TRIO: variants seen among roughly 807,000 people sequenced by gnomAD.
TRIO encodes the protein trio Rho guanine nucleotide exchange factor, also known as triple functional domain protein.
Under a neutral mutation model 351.9 loss-of-function variants are expected in TRIO, and 58 were observed. The ratio of observed to expected loss-of-function variants is 0.16; its 90% CI spans 0.13 to 0.21. The LOEUF is 0.21. Ranked by LOEUF, TRIO falls within the 10% of genes least tolerant of loss-of-function variation. TRIO has a pLI of 1.00. For missense variants in TRIO, 3,201 were observed against 4,027.8 expected (o/e 0.79, Z 5.56); for synonymous variants, 1,758 against 1,595.7 (o/e 1.10, Z -2.42).
At position 14,320,174 on chromosome 5, in the gene TRIO, A is replaced by T. The variant is rs190570428; in HGVS notation, c.1731+3431A>T. On this transcript the variant is annotated intron_variant, in intron 9 of 56. Coordinates refer to ENST00000344204, the MANE Select transcript of TRIO (RefSeq NM_007118.4). ...TTATTATCAGAGTAACTCTCAGCGA[A>T]GGTTTGGTTGAATGAATGAATAAAT... is the stretch of plus-strand genomic sequence containing the variant. Among the ~76,000 whole-genome samples, 626 of 152,292 alleles carry T rather than the reference A, an allele frequency of 4.1e-3. 6 individuals carry two copies. The highest frequency in any genetic ancestry group is 0.014 in the African/African-American group (592 of 41,562).
At position 14,363,761 on chromosome 5, in the gene TRIO, T is replaced by C. The variant is rs1744358452; in HGVS notation, c.2421T>C (p.Asp807=). The C allele has an allele frequency of 2.5e-6, 4 of 1,614,144 alleles. No homozygotes were observed. The highest frequency in any genetic ancestry group is 3.4e-6 in the Non-Finnish European group (4 of 1,180,004). ...TCTCAGACCTCGAGTCTTGGAATGATGAGCTTTCTCAGCAAATGAATGACT... is the reference window on the plus strand; with the variant it reads ...TCTCAGACCTCGAGTCTTGGAATGACGAGCTTTCTCAGCAAATGAATGACT... The part of the protein sequence containing the change: ...DIISDLESWN[D]ELSQQMNDFD... The change falls in exon 14 of 57, where the codon GAT becomes GAC. Residue 807 remains aspartate, a synonymous_variant. Transcript: ENST00000344204.
chr5:14,244,459 T>C (rs1395953125), intron 1 of TRIO, among the ~76,000 whole-genome samples: 1 of 152,208 alleles, frequency 6.6e-6, no homozygotes, highest in Admixed American at 6.5e-5. Context: ...CATAGTAGTA[T>C]GTAGAATACT....
intron 8 of TRIO, among the ~76,000 whole-genome samples, chr5:14,306,579 C>G (rs774051080): frequency 3.9e-5 from 6 of 152,256 alleles, no homozygotes; most frequent in Non-Finnish European, 7.3e-5. Context: ...TGGAGCTGTT[C>G]TTTGAATGCA....
intron 1 of TRIO, among the ~76,000 whole-genome samples, chr5:14,182,811 C>T (rs1177899910): frequency 6.6e-6 from 1 of 151,870 alleles, no homozygotes; most frequent in African/African-American, 2.4e-5. Context: ...AAAAATCCTT[C>T]CCTGATTTTC....
At chr5:14,313,006 T>G (rs1312434900) in intron 8 of TRIO, among the ~76,000 whole-genome samples, 1 of 152,260 alleles carries the variant, frequency 6.6e-6, no homozygotes, top group African/African-American at 2.4e-5. Flanking sequence ...ACTTTTTAAT[T>G]GCCAAATCTA....
At chr5:14,251,413 C>CT (rs1376047020) in intron 1 of TRIO, among the ~76,000 whole-genome samples, 1 of 152,174 alleles carries the variant, frequency 6.6e-6, no homozygotes, top group Non-Finnish European at 1.5e-5. Flanking sequence ...AATCATGGCA[C>CT]CCAAATCCGA....
chr5:14,328,076 A>G (rs772482034), intron 9 of TRIO, among the ~76,000 whole-genome samples: 1 of 152,258 alleles, frequency 6.6e-6, no homozygotes, highest in Non-Finnish European at 1.5e-5. Context: ...GAGTTAAAAT[A>G]ATGTGCTCAA....
intron 11 of TRIO, among the ~76,000 whole-genome samples, chr5:14,342,640 G>T (rs1742044025): frequency 6.6e-6 from 1 of 152,176 alleles, no homozygotes; most frequent in African/African-American, 2.4e-5. Flanking sequence ...TATCTCTTGT[G>T]CAAAGTTGTC....
rs567800306 is a variant in TRIO, at chr5:14,329,739, A to G, written c.1732-1039A>G. ...TTTTTAGTTTTTAGCTAAAGACATC[A>G]CTGACTTAGTTTTTTGCTGGTTATC... is the stretch of plus-strand genomic sequence containing the variant. On this transcript the variant is annotated intron_variant, in intron 9 of 56. Transcript: ENST00000344204. Among the ~76,000 whole-genome samples the G allele has an allele frequency of 1.4e-4, 21 of 152,330 alleles. No individual in the cohort carries two copies. The South Asian group carries it at 4.1e-3, about 30-fold the overall frequency.
intron 1 of TRIO, among the ~76,000 whole-genome samples, chr5:14,196,639 C>T (rs915603426): frequency 1.3e-5 from 2 of 152,118 alleles, no homozygotes; most frequent in Non-Finnish European, 2.9e-5. Flanking sequence ...TACATTATAA[C>T]CTGTGCTCTC....
rs77015507 is a variant in TRIO, at chr5:14,490,709, C to G, written c.7633-1858C>G. On this transcript the variant is annotated intron_variant, in intron 48 of 56. Coordinates refer to ENST00000344204, the MANE Select transcript of TRIO (RefSeq NM_007118.4). The stretch of plus-strand genomic sequence containing the variant: ...ATTAAGCAGGATAGACTTGAAATGC[C>G]TAGTACATAGGAGATGCCCAGAAAA... The G allele has an allele frequency of 4.5e-3, 2,003 of 441,638 alleles. 9 individuals are homozygous for G. Among genetic ancestry groups the G allele is most frequent in the Middle Eastern group, 0.014 (20 of 1,450 alleles). 27.4% of individuals were successfully genotyped at this position (441,638 alleles called of 1,614,324 possible).
chr5:14,252,942 C>T (rs145465770), intron 1 of TRIO, among the ~76,000 whole-genome samples: 33 of 151,608 alleles, frequency 2.2e-4, no homozygotes, highest in African/African-American at 5.6e-4. Flanking sequence ...ACTGCAGTAC[C>T]GCCATGCACA....
rs746238001 is a variant in TRIO, at chr5:14,501,078, A to T, written c.8333-1501A>T. Among the ~76,000 whole-genome samples the T allele has an allele frequency of 5.3e-4, 80 of 151,382 alleles. 1 individual carries two copies. Among genetic ancestry groups the T allele is most frequent in the Non-Finnish European group, 1.1e-3 (72 of 67,854 alleles). On this transcript the variant is annotated intron_variant, in intron 53 of 56. Transcript: ENST00000344204. ...GAATAAAAATGTTTATTTAAAAAAA[A>T]GAAAAAAAAAACACCAAGCCCTTTC...
chr5:14,268,382 C>G (rs893802194), intron 1 of TRIO, among the ~76,000 whole-genome samples: 1 of 152,192 alleles, frequency 6.6e-6, no homozygotes, highest in African/African-American at 2.4e-5. Context: ...AATGATGACT[C>G]AGGTCACACA....
chr5:14,508,587 C>T lies in TRIO; in HGVS notation c.*165C>T. Reference sequence around the variant, plus strand: ...TCAGCAGTGCTTGGACACAGAGCTGCAAGCTGCGCTGGGGTGGAGGACCGT... The same window carrying T: ...TCAGCAGTGCTTGGACACAGAGCTGTAAGCTGCGCTGGGGTGGAGGACCGT... On this transcript the variant is annotated 3_prime_UTR_variant, in exon 57 of 57. Coordinates refer to ENST00000344204, the MANE Select transcript of TRIO (RefSeq NM_007118.4). The T allele has an allele frequency of 2.3e-6, 2 of 865,100 alleles. No individual in the cohort carries two copies. Among genetic ancestry groups the T allele is most frequent in the Non-Finnish European group, 3.5e-6 (2 of 574,092 alleles). The allele number at this position is 865,100 out of a possible 1,614,324, so 53.6% of individuals were successfully genotyped here. A position where few individuals can be genotyped will look rare whatever the true frequency, so the allele number is the denominator to read the frequency against.
chr5:14,502,710 A>G (rs372390384), intron 54 of TRIO, 53 bp downstream of exon 54: 6 of 1,557,778 alleles, frequency 3.9e-6, no homozygotes, highest in East Asian at 2.2e-5. Flanking sequence ...TGGGGAAGAC[A>G]TACCAGAGAG....
chr5:14,412,299 T>C (rs1749273454), intron 33 of TRIO, among the ~76,000 whole-genome samples: 1 of 152,222 alleles, frequency 6.6e-6, no homozygotes, highest in African/African-American at 2.4e-5. Flanking sequence ...CGGTTCCGTG[T>C]ATTTTAAAAT....
chr5:14,456,237 A>G (rs1753293353), intron 34 of TRIO, among the ~76,000 whole-genome samples: 1 of 152,216 alleles, frequency 6.6e-6, no homozygotes, highest in Non-Finnish European at 1.5e-5. Context: ...ACACAGCCCC[A>G]GTTCCCGCCT....
At chr5:14,461,810 A>G (rs145695329) in intron 35 of TRIO, among the ~76,000 whole-genome samples, 5 of 152,248 alleles carry the variant, frequency 3.3e-5, no homozygotes, top group Non-Finnish European at 5.9e-5. Flanking sequence ...AATATTTATT[A>G]TACTTACAGC....
Sources: allele counts gnomAD v4.1 joint callset (sites outside exome capture counted in the v4.1 genomes callset), GRCh38; gene constraint gnomAD v4.1.1; transcripts MANE v1.5; gene names NCBI Gene and HGNC (gene_info 2026-07-23, HGNC 2026-07-21).